NBAS: variants seen among roughly 807,000 people sequenced by gnomAD.
NBAS encodes the protein NBAS subunit of NRZ tethering complex.
A neutral mutation model predicts 302.5 loss-of-function variants in NBAS; 219 were observed. The ratio of observed to expected loss-of-function variants is 0.72; its 90% CI spans 0.65 to 0.81. NBAS has a LOEUF of 0.81. NBAS is among the 30% of genes least tolerant of loss of function. NBAS has a pLI of 0.00. For missense variants in NBAS, 2,932 were observed against 2,841.6 expected (o/e 1.03, Z -0.72); for synonymous variants, 1,118 against 1,021.6 (o/e 1.09, Z -1.80).
chr2:14,937,193 G>T, the NBAS span, among the ~76,000 whole-genome samples: 3 of 152,114 alleles, frequency 2.0e-5, no homozygotes, highest in Non-Finnish European at 1.5e-5. Context: ...TTACATATGG[G>T]GGGTGGGGAT....
intron 44 of NBAS, among the ~76,000 whole-genome samples, chr2:15,270,076 T>C (rs1185835711): frequency 6.6e-6 from 1 of 152,226 alleles, no homozygotes; most frequent in Non-Finnish European, 1.5e-5. Flanking sequence ...TTTCAATTAT[T>C]TTCTGTCTTG....
At chr2:14,912,686 C>T in the NBAS span, among the ~76,000 whole-genome samples, 3 of 135,864 alleles carry the variant, frequency 2.2e-5, no homozygotes, top group Non-Finnish European at 3.1e-5. Context: ...TGAAATTTCT[C>T]ACCATGCATT....
At chr2:15,497,668 G>A (rs764388703) in intron 11 of NBAS, among the ~76,000 whole-genome samples, 1 of 152,150 alleles carries the variant, frequency 6.6e-6, no homozygotes, top group South Asian at 2.1e-4. Flanking sequence ...AATCTGAAGT[G>A]CAGAGGAGAA....
At chr2:14,892,873 A>G in the NBAS span, among the ~76,000 whole-genome samples, 5 of 152,122 alleles carry the variant, frequency 3.3e-5, no homozygotes, top group East Asian at 7.7e-4. Flanking sequence ...TTAGTCTCCT[A>G]TTTCCTTTTA....
intron 47 of NBAS, among the ~76,000 whole-genome samples, chr2:15,229,882 C>T (rs1667309232): frequency 6.6e-6 from 1 of 152,048 alleles, no homozygotes; most frequent in African/African-American, 2.4e-5. Context: ...GCTGTCAACA[C>T]ATGCACTCAA....
At chr2:15,098,114 C>T in the NBAS span, among the ~76,000 whole-genome samples, 38 of 14,848 alleles carry the variant, frequency 2.6e-3, 3 homozygotes, top group African/African-American at 7.1e-3. Context: ...ATATTGTATA[C>T]AATATATATT....
At chr2:15,352,163 A>T in intron 34 of NBAS, 82 bp from the exon 35 acceptor site, 1 of 963,674 alleles carries the variant, frequency 1.0e-6, no homozygotes, top group Non-Finnish European at 1.6e-6. Context: ...GAAATTTAAA[A>T]AGTACTTTTA....
intron 51 of NBAS, among the ~76,000 whole-genome samples, chr2:15,172,440 T>C (rs1664342496): frequency 6.6e-6 from 1 of 152,212 alleles, no homozygotes; most frequent in Non-Finnish European, 1.5e-5. Flanking sequence ...TACAGTTCTG[T>C]TTCGGTTGTT....
the NBAS span, among the ~76,000 whole-genome samples, chr2:14,803,106 A>T: frequency 6.6e-6 from 1 of 152,258 alleles, no homozygotes. Flanking sequence ...AAACTTTGTT[A>T]ATCAGGACCA....
At chr2:15,390,370 T>C (rs1378753390) in intron 28 of NBAS, among the ~76,000 whole-genome samples, 1 of 152,230 alleles carries the variant, frequency 6.6e-6, no homozygotes, top group Non-Finnish European at 1.5e-5. Context: ...ATTGCATGTT[T>C]TCACTTACAT....
the NBAS span, among the ~76,000 whole-genome samples, chr2:15,050,545 G>A: frequency 1.5e-4 from 23 of 152,258 alleles, no homozygotes; most frequent in African/African-American, 5.3e-4. Context: ...CTGATGACTC[G>A]GCTCAGATGA....
chr2:15,505,725 A>C (rs1361770199), intron 10 of NBAS, among the ~76,000 whole-genome samples: 1 of 152,240 alleles, frequency 6.6e-6, no homozygotes, highest in African/African-American at 2.4e-5. Flanking sequence ...ACAAAAGTCA[A>C]CACGTGTCAA....
At chr2:15,440,171 C>A (rs1300913483) in intron 21 of NBAS, among the ~76,000 whole-genome samples, 5 of 152,308 alleles carry the variant, frequency 3.3e-5, no homozygotes, top group African/African-American at 1.2e-4. Flanking sequence ...TCCCAGCACC[C>A]AACTGGAGAT....
chr2:15,347,423 G>A (rs1439497329), intron 35 of NBAS, among the ~76,000 whole-genome samples: 1 of 152,182 alleles, frequency 6.6e-6, no homozygotes, highest in Non-Finnish European at 1.5e-5. Context: ...GTGAATGGAA[G>A]AAGTAAATGC....
At chr2:15,438,538 A>G (rs1678148022) in intron 21 of NBAS, among the ~76,000 whole-genome samples, 1 of 152,216 alleles carries the variant, frequency 6.6e-6, no homozygotes, top group Non-Finnish European at 1.5e-5. Context: ...AATAGACAGC[A>G]GGACACCAGG....
the NBAS span, among the ~76,000 whole-genome samples, chr2:14,795,100 T>C: frequency 6.6e-6 from 1 of 152,218 alleles, no homozygotes; most frequent in African/African-American, 2.4e-5. Flanking sequence ...TGCTCTTGTT[T>C]GTCTTAGGTA....
chr2:15,275,906 A>G, intron 43 of NBAS, 88 bp from the exon 44 acceptor site: 5 of 1,127,540 alleles, frequency 4.4e-6, no homozygotes, highest in East Asian at 2.4e-5. Context: ...AGCCCTCTAT[A>G]TGTCTGAACG....
At chr2:15,159,165 G>T in the NBAS span, among the ~76,000 whole-genome samples, 1 of 152,134 alleles carries the variant, frequency 6.6e-6, no homozygotes, top group African/African-American at 2.4e-5. Context: ...TAGGGACAGG[G>T]GGCCTTCGGT....
At chr2:15,137,190 A>G in the NBAS span, among the ~76,000 whole-genome samples, 1 of 152,204 alleles carries the variant, frequency 6.6e-6, no homozygotes, top group African/African-American at 2.4e-5. Context: ...AGAATTTGAG[A>G]AATAAATTTG....
Sources: gnomAD v4.1 joint callset for allele counts (sites outside exome capture counted in the v4.1 genomes callset) on GRCh38, gnomAD v4.1.1 for gene constraint, MANE v1.5 for transcripts, NCBI Gene and HGNC (gene_info 2026-07-23, HGNC 2026-07-21) for gene names.